Variants in RUNDC3B observed in about 807,000 individuals in gnomAD.
The protein encoded by RUNDC3B is RUN domain containing 3B, also known as RUN domain-containing protein 3B.
In RUNDC3B, 33 loss-of-function variants were observed where a neutral mutation model predicts 58.4. The ratio of observed to expected loss-of-function variants is 0.56; its 90% CI spans 0.43 to 0.75. The LOEUF (loss-of-function observed/expected upper bound fraction) is 0.75. Ranked by LOEUF, RUNDC3B falls within the 30% of genes least tolerant of loss-of-function variation. RUNDC3B has a pLI of 0.00. For synonymous variants in RUNDC3B, 193 were observed against 195.2 expected (o/e 0.99, Z 0.10); for missense variants, 501 against 535.7 (o/e 0.94, Z 0.64).
At chr7:87,681,576 T>C (rs1472392459) in intron 2 of RUNDC3B, among the ~76,000 whole-genome samples, 1 of 150,852 alleles carries the variant, frequency 6.6e-6, no homozygotes, top group African/African-American at 2.5e-5. Flanking sequence ...TAAACTACTT[T>C]ACTGCTAAAA....
intron 8 of RUNDC3B, among the ~76,000 whole-genome samples, chr7:87,785,127 G>A (rs1835138998): frequency 6.6e-6 from 1 of 152,090 alleles, no homozygotes; most frequent in South Asian, 2.1e-4. Flanking sequence ...GCAAATGGCT[G>A]TGGGATCCCC....
intron 2 of RUNDC3B, among the ~76,000 whole-genome samples, chr7:87,686,920 T>C (rs1441110749): frequency 6.9e-6 from 1 of 144,826 alleles, no homozygotes; most frequent in Non-Finnish European, 1.5e-5. Flanking sequence ...CACTCCAGCC[T>C]GGACAACAGA....
At chr7:87,677,621 G>A (rs888199471) in intron 2 of RUNDC3B, among the ~76,000 whole-genome samples, 1 of 152,026 alleles carries the variant, frequency 6.6e-6, no homozygotes, top group Non-Finnish European at 1.5e-5. Context: ...AAATTGCTAT[G>A]ATAGTAGATC....
In RUNDC3B at chr7:87,827,973, A is replaced by G. The variant is rs112240419; in HGVS notation, c.1226-1912A>G. On this transcript the variant is annotated intron_variant, in intron 10 of 10. Transcript: ENST00000394654. ...TTCCTGACCATTCTGGGCAACACAG[A>G]CCCTATCTCAAGAGAAAAAAGAAAG... Among the ~76,000 whole-genome samples, 410 of 152,230 alleles carry G rather than the reference A, an allele frequency of 2.7e-3. 1 individual carries two copies. Among genetic ancestry groups the G allele is most frequent in the Non-Finnish European group, 4.4e-3 (301 of 68,002 alleles).
intron 10 of RUNDC3B, among the ~76,000 whole-genome samples, chr7:87,823,081 AAGCT>A (rs1837581093): frequency 6.6e-6 from 1 of 152,134 alleles, no homozygotes; most frequent in African/African-American, 2.4e-5. Context: ...ATGTGTAAAC[AAGCT>A]AGCTAGCTAA....
intron 4 of RUNDC3B, among the ~76,000 whole-genome samples, chr7:87,723,772 A>C (rs1831045724): frequency 6.6e-6 from 1 of 152,278 alleles, no homozygotes; most frequent in African/African-American, 2.4e-5. Context: ...CAAATTAATC[A>C]GTTATGTTAT....
chr7:87,736,824 G>T (rs1313565141), intron 4 of RUNDC3B, among the ~76,000 whole-genome samples: 9 of 89,278 alleles, frequency 1.0e-4, no homozygotes, highest in African/African-American at 1.6e-4. Context: ...ATTTATATAT[G>T]TTATATATAT....
At chr7:87,772,924 T>C (rs1311086122) in intron 7 of RUNDC3B, among the ~76,000 whole-genome samples, 1 of 151,922 alleles carries the variant, frequency 6.6e-6, no homozygotes, top group African/African-American at 2.4e-5. Flanking sequence ...ATAAATATAC[T>C]AGATAGATAC....
At chr7:87,794,285 A>C (rs945541171) in intron 8 of RUNDC3B, among the ~76,000 whole-genome samples, 1 of 152,130 alleles carries the variant, frequency 6.6e-6, no homozygotes, top group Non-Finnish European at 1.5e-5. Flanking sequence ...AAATACAAAA[A>C]TTAGCTGGGT....
At chr7:87,694,036 A>G (rs1828266680) in intron 2 of RUNDC3B, 1 of 1,577,226 alleles carries the variant, frequency 6.3e-7, no homozygotes, top group Non-Finnish European at 8.5e-7. Context: ...GGGCTGTATC[A>G]GTTAAGTGAT....
chr7:87,666,015 T>C (rs957108715), intron 2 of RUNDC3B, among the ~76,000 whole-genome samples: 1 of 152,156 alleles, frequency 6.6e-6, no homozygotes, highest in Non-Finnish European at 1.5e-5. Context: ...ATGGGATTGC[T>C]GGGTCGAATG....
intron 7 of RUNDC3B, among the ~76,000 whole-genome samples, chr7:87,773,077 A>G (rs987629113): frequency 6.6e-6 from 1 of 152,156 alleles, no homozygotes. Flanking sequence ...TAATCCCAGC[A>G]CTTTGGGAGG....
chr7:87,805,357 A>C (rs1190586622), intron 8 of RUNDC3B, among the ~76,000 whole-genome samples: 1 of 152,234 alleles, frequency 6.6e-6, no homozygotes, highest in African/African-American at 2.4e-5. Flanking sequence ...TCATAGTGGC[A>C]GAGCAAGTGC....
At chr7:87,676,703 CAAAAAAAAAA>C (rs57480483) in intron 2 of RUNDC3B, among the ~76,000 whole-genome samples, 1 of 45,432 alleles carries the variant, frequency 2.2e-5, no homozygotes, top group East Asian at 6.8e-4. Flanking sequence ...GACCCTGTCT[CAAAAAAAAAA>C]AAAAAAAAAA....
At chr7:87,661,814 T>C (rs1196241351) in intron 2 of RUNDC3B, among the ~76,000 whole-genome samples, 1 of 152,106 alleles carries the variant, frequency 6.6e-6, no homozygotes, top group Non-Finnish European at 1.5e-5. Context: ...TTAAGTTTTA[T>C]GAGAAACCCC....
At chr7:87,740,517 A>G (rs946155497) in intron 5 of RUNDC3B, among the ~76,000 whole-genome samples, 6 of 152,142 alleles carry the variant, frequency 3.9e-5, no homozygotes, top group Non-Finnish European at 7.4e-5. Flanking sequence ...TTTGTCTATA[A>G]GAAAACTCAA....
chr7:87,696,355 T>G (rs1333043109), intron 2 of RUNDC3B, among the ~76,000 whole-genome samples: 1 of 152,186 alleles, frequency 6.6e-6, no homozygotes, highest in Admixed American at 6.6e-5. Flanking sequence ...GCTTGTAACT[T>G]TGTTTTTAAA....
chr7:87,730,184 T>A, intron 4 of RUNDC3B, among the ~76,000 whole-genome samples: 1 of 152,192 alleles, frequency 6.6e-6, no homozygotes, highest in East Asian at 1.9e-4. Context: ...GAGAGACTCC[T>A]TCTGGTTGAG....
At chr7:87,805,267 A>G (rs1222971102) in intron 8 of RUNDC3B, among the ~76,000 whole-genome samples, 2 of 152,068 alleles carry the variant, frequency 1.3e-5, no homozygotes, top group East Asian at 1.9e-4. Context: ...ACTTAACTTA[A>G]TTCACTTGCC....
Sources: gnomAD v4.1 joint callset for allele counts (sites outside exome capture counted in the v4.1 genomes callset) on GRCh38, gnomAD v4.1.1 for gene constraint, MANE v1.5 for transcripts, NCBI Gene and HGNC (gene_info 2026-07-23, HGNC 2026-07-21) for gene names.